The following DLC1 variants were observed in gnomAD, a reference collection of about 807,000 sequenced individuals.
The protein encoded by DLC1 is DLC1 Rho GTPase activating protein.
A neutral mutation model predicts 140.3 loss-of-function variants in DLC1; 54 were observed. That is an observed-to-expected ratio of 0.38 (90% CI 0.31 to 0.48). The LOEUF is 0.48. Ranked by LOEUF, DLC1 falls within the 20% of genes least tolerant of loss-of-function variation. The pLI is 0.96. For synonymous variants in DLC1, 986 were observed against 728.1 expected (o/e 1.35, Z -5.70); for missense variants, 2,536 against 1,907.0 (o/e 1.33, Z -6.14).
intron 1 of DLC1, among the ~76,000 whole-genome samples, chr8:13,537,660 T>C (rs1803330925): frequency 6.8e-6 from 1 of 145,996 alleles, no homozygotes; most frequent in Non-Finnish European, 1.5e-5. Context: ...TTTTTTTTTT[T>C]TTTTTTTTTT....
chr8:13,306,682 G>GTC (rs1378580204), intron 4 of DLC1, among the ~76,000 whole-genome samples: 1 of 151,784 alleles, frequency 6.6e-6, no homozygotes, highest in East Asian at 1.9e-4. Flanking sequence ...ATATCAAGAC[G>GTC]TCTATATCCT....
At position 13,401,714 on chromosome 8, in the gene DLC1, G is replaced by C. The variant is rs142812720; in HGVS notation, c.1024-95C>G. On this transcript the variant is annotated intron_variant, in intron 2 of 17. Transcript: ENST00000276297. ...TCTTCAATGTGACAAAAAGTACACT[G>C]GATAATAGGCAGTCTTTAATTAGAA... is the stretch of plus-strand genomic sequence containing the variant. 879 of 1,453,228 alleles carry C rather than the reference G, an allele frequency of 6.0e-4. 11 individuals carry two copies. The African/African-American group carries it at 0.012, about 19-fold the overall frequency. The allele number at this position is 1,453,228 out of a possible 1,614,324, so 90.0% of individuals were successfully genotyped here.
At chr8:13,492,558 TC>T (rs1381805316) in intron 2 of DLC1, among the ~76,000 whole-genome samples, 8 of 151,326 alleles carry the variant, frequency 5.3e-5, no homozygotes, top group Non-Finnish European at 1.2e-4. Flanking sequence ...CTCTCTCCTC[TC>T]TCAGTGCCAG....
intron 2 of DLC1, among the ~76,000 whole-genome samples, chr8:13,470,968 A>G (rs1370569294): frequency 6.6e-6 from 1 of 152,216 alleles, no homozygotes; most frequent in Non-Finnish European, 1.5e-5. Flanking sequence ...TTAGCCAAAA[A>G]TAGAAGGAAA....
chr8:13,566,942 C>T, intron 1 of DLC1: 2 of 1,477,480 alleles, frequency 1.4e-6, no homozygotes, highest in South Asian at 1.4e-5. Context: ...GTTCCTGAGC[C>T]AGTCTTAACC....
intron 4 of DLC1, among the ~76,000 whole-genome samples, chr8:13,384,027 T>C (rs931476790): frequency 1.3e-5 from 2 of 152,214 alleles, no homozygotes; most frequent in Non-Finnish European, 2.9e-5. Context: ...TTATGTTCCA[T>C]GGTGTGCATG....
intron 4 of DLC1, among the ~76,000 whole-genome samples, chr8:13,332,301 A>T (rs989040845): frequency 6.6e-6 from 1 of 152,204 alleles, no homozygotes; most frequent in Admixed American, 6.5e-5. Context: ...GCTCCAAATT[A>T]TCTGAGCTAC....
chr8:13,193,031 A>T (rs1233816511), intron 5 of DLC1, among the ~76,000 whole-genome samples: 1 of 152,152 alleles, frequency 6.6e-6, no homozygotes, highest in African/African-American at 2.4e-5. Context: ...TTATTCTTTC[A>T]TGTCTGTTCC....
chr8:13,386,742 C>T (rs1392189027), intron 4 of DLC1, among the ~76,000 whole-genome samples: 2 of 152,058 alleles, frequency 1.3e-5, no homozygotes, highest in Non-Finnish European at 2.9e-5. Flanking sequence ...TTTTAAATCA[C>T]AGAATTCTAG....
Position 13,598,877 on chromosome 8 carries a change from C to T in DLC1, c.-126+5660G>A, listed in dbSNP as rs191323873. 4.1e-3 allele frequency among the ~76,000 whole-genome samples: 629 copies of T among 151,610 alleles called. 6 individuals carry two copies. Among genetic ancestry groups the T allele is most frequent in the African/African-American group, 0.014 (596 of 41,390 alleles). ...TAAAACTTTTTTTTGGCTGTTGAGT[C>T]ATGTTAAAATGTCAGAACTAATATT... On this transcript the variant is annotated intron_variant, in intron 1 of 1. Coordinates refer to the DLC1 transcript ENST00000631382.
At chr8:13,571,379 C>T (rs1008936318) in intron 1 of DLC1, among the ~76,000 whole-genome samples, 1 of 152,160 alleles carries the variant, frequency 6.6e-6, no homozygotes, top group Non-Finnish European at 1.5e-5. Flanking sequence ...TCTCCTCTCC[C>T]CCTGGTACCT....
At chr8:13,406,186 T>TTTTTTTTTG (rs1837553529) in intron 2 of DLC1, among the ~76,000 whole-genome samples, 1 of 130,098 alleles carries the variant, frequency 7.7e-6, no homozygotes. Flanking sequence ...TTTGTGTTTT[T>TTTTTTTTTG]TTTTTTTTTT....
intron 5 of DLC1, among the ~76,000 whole-genome samples, chr8:13,210,089 A>G (rs910616171): frequency 8.5e-5 from 13 of 152,058 alleles, no homozygotes; most frequent in Non-Finnish European, 2.9e-5. Flanking sequence ...TTTTTTTCTT[A>G]CTCTCAAATT....
intron 1 of DLC1, among the ~76,000 whole-genome samples, chr8:13,581,214 T>TA (rs1200243727): frequency 6.6e-6 from 1 of 152,242 alleles, no homozygotes; most frequent in Non-Finnish European, 1.5e-5. Flanking sequence ...TGCTCTCAGC[T>TA]AACCACACAT....
intron 5 of DLC1, among the ~76,000 whole-genome samples, chr8:13,219,501 C>T (rs964032966): frequency 6.8e-6 from 1 of 146,132 alleles, no homozygotes; most frequent in South Asian, 2.2e-4. Context: ...ATTTAACTTA[C>T]TAAGAAACTG....
At chr8:13,559,420 G>C (rs942454617) in intron 1 of DLC1, 4 of 152,198 alleles carry the variant, frequency 2.6e-5, no homozygotes, top group Admixed American at 1.3e-4. Context: ...AGTTTAGCCT[G>C]TGAGCTCCAT....
intron 5 of DLC1, among the ~76,000 whole-genome samples, chr8:13,215,404 G>A (rs1276155726): frequency 6.6e-6 from 1 of 152,062 alleles, no homozygotes; most frequent in Non-Finnish European, 1.5e-5. Context: ...TGGCCAACAT[G>A]GTGAAACCCC....
At chr8:13,305,586 C>T (rs560281975) in intron 4 of DLC1, among the ~76,000 whole-genome samples, 41 of 152,224 alleles carry the variant, frequency 2.7e-4, no homozygotes, top group African/African-American at 9.9e-4. Flanking sequence ...ACCTGTAATC[C>T]CAGAACTTTG....
At chr8:13,386,231 C>G (rs1170902960) in intron 4 of DLC1, among the ~76,000 whole-genome samples, 1 of 152,126 alleles carries the variant, frequency 6.6e-6, no homozygotes, top group Middle Eastern at 3.2e-3. Context: ...ATTTCTTATG[C>G]TATTAATCTA....
Sources: allele counts gnomAD v4.1 joint callset (sites outside exome capture counted in the v4.1 genomes callset), GRCh38; gene constraint gnomAD v4.1.1; transcripts MANE v1.5; gene names NCBI Gene and HGNC (gene_info 2026-07-23, HGNC 2026-07-21).